The following CTNNA2 variants were observed in gnomAD, a reference collection of about 807,000 sequenced individuals.
CTNNA2 encodes the protein catenin alpha-2.
CTNNA2 carries 42 observed loss-of-function variants against 101.0 expected under a neutral mutation model. The observed-to-expected ratio is 0.42, with a 90% CI of 0.32 to 0.54. CTNNA2 has a LOEUF of 0.54. CTNNA2 is among the 20% of genes least tolerant of loss of function. CTNNA2 has a pLI of 0.14. For synonymous variants in CTNNA2, 450 were observed against 456.4 expected (o/e 0.99, Z 0.18); for missense variants, 871 against 1,223.1 (o/e 0.71, Z 4.29).
intron 9 of CTNNA2, among the ~76,000 whole-genome samples, chr2:80,500,992 C>G (rs1687841129): frequency 6.6e-6 from 1 of 152,170 alleles, no homozygotes; most frequent in Admixed American, 6.5e-5. Flanking sequence ...GTCAGGTTCA[C>G]TTTGATTCCT....
chr2:79,726,590 C>G (rs546504698), intron 2 of CTNNA2, among the ~76,000 whole-genome samples: 2 of 152,126 alleles, frequency 1.3e-5, no homozygotes, highest in African/African-American at 4.8e-5. Context: ...CTCCTCCCTC[C>G]GACACATTCC....
chr2:79,280,656 T>TGTGTGTGTGTGTGAGAGA (rs1337075035), intron 2 of CTNNA2, among the ~76,000 whole-genome samples: 9 of 96,758 alleles, frequency 9.3e-5, no homozygotes, highest in East Asian at 3.8e-4. Context: ...TGTGTGTGTG[T>TGTGTGTGTGTGTGAGAGA]AAGAGAAAGA....
intron 6 of CTNNA2, among the ~76,000 whole-genome samples, chr2:79,904,174 C>G (rs189030793): frequency 8.1e-4 from 123 of 152,276 alleles, no homozygotes; most frequent in African/African-American, 2.8e-3. Context: ...TTCTACCTCT[C>G]AACTGTGCAA....
At chr2:80,529,859 G>A (rs2149592031) in intron 9 of CTNNA2, among the ~76,000 whole-genome samples, 1 of 152,240 alleles carries the variant, frequency 6.6e-6, no homozygotes, top group African/African-American at 2.4e-5. Flanking sequence ...ACCTACTGAG[G>A]ATGAGAGTAA....
intron 2 of CTNNA2, among the ~76,000 whole-genome samples, chr2:79,251,926 G>A (rs190178314): frequency 1.9e-4 from 29 of 152,284 alleles, no homozygotes; most frequent in South Asian, 2.1e-4. Flanking sequence ...TGATTGCGGC[G>A]TACACCAGAA....
At chr2:80,583,369 T>A (rs1695702359) in intron 14 of CTNNA2, among the ~76,000 whole-genome samples, 1 of 152,154 alleles carries the variant, frequency 6.6e-6, no homozygotes, top group Non-Finnish European at 1.5e-5. Context: ...TTGCAGACTC[T>A]ATTTAATCCC....
intron 2 of CTNNA2, among the ~76,000 whole-genome samples, chr2:79,258,011 G>A (rs1285377758): frequency 6.6e-6 from 1 of 152,010 alleles, no homozygotes; most frequent in African/African-American, 2.4e-5. Context: ...GTCTTCACAT[G>A]GCCATCTTCT....
intron 3 of CTNNA2, among the ~76,000 whole-genome samples, chr2:79,809,952 A>G (rs1452678785): frequency 2.0e-5 from 3 of 152,172 alleles, no homozygotes; most frequent in Non-Finnish European, 4.4e-5. Flanking sequence ...AAAAACCAGT[A>G]CCAGCCACTG....
intron 9 of CTNNA2, among the ~76,000 whole-genome samples, chr2:80,481,817 T>C (rs1447354642): frequency 6.6e-6 from 1 of 152,076 alleles, no homozygotes; most frequent in Non-Finnish European, 1.5e-5. Flanking sequence ...CAAACATATA[T>C]GACAGTAAAT....
chr2:80,595,006 G>A (rs920354904), intron 15 of CTNNA2, among the ~76,000 whole-genome samples: 1 of 152,016 alleles, frequency 6.6e-6, no homozygotes, highest in Non-Finnish European at 1.5e-5. Context: ...GAGTCCATGT[G>A]AATTTTAGGA....
rs188625145 is a variant in CTNNA2 at position 79,611,051 on chromosome 2, T to C, written c.-5-40501T>C. On this transcript the variant is annotated intron_variant, in intron 1 of 18. Coordinates refer to ENST00000402739, the MANE Select transcript of CTNNA2 (RefSeq NM_001282597.3). Reference sequence around the variant, plus strand: ...ATCTGTACAAAAGTTTATATGAAAGTTTCAGATAAACAAAACAATAGTATG... The same window carrying C: ...ATCTGTACAAAAGTTTATATGAAAGCTTCAGATAAACAAAACAATAGTATG... Among the ~76,000 whole-genome samples the C allele has an allele frequency of 5.3e-5, 8 of 152,190 alleles. No homozygotes were observed. In the East Asian group the frequency reaches 1.4e-3, roughly 26 times the overall value.
intron 7 of CTNNA2, among the ~76,000 whole-genome samples, chr2:80,101,550 C>T (rs746587892): frequency 5.3e-5 from 8 of 152,152 alleles, no homozygotes; most frequent in Non-Finnish European, 1.0e-4. Context: ...AGCCTAATCC[C>T]AATTCTCCTC....
intron 7 of CTNNA2, among the ~76,000 whole-genome samples, chr2:80,201,038 G>A (rs1022463413): frequency 6.6e-6 from 1 of 152,000 alleles, no homozygotes; most frequent in Non-Finnish European, 1.5e-5. Context: ...ATATAAAATG[G>A]CATAGTATTT....
At chr2:79,406,069 G>A (rs1162453411) in intron 4 of CTNNA2, among the ~76,000 whole-genome samples, 1 of 151,972 alleles carries the variant, frequency 6.6e-6, no homozygotes, top group Non-Finnish European at 1.5e-5. Flanking sequence ...AAAGGAGAAG[G>A]GTGGTTAAGT....
intron 18 of CTNNA2, among the ~76,000 whole-genome samples, chr2:80,639,841 G>A (rs976113165): frequency 6.6e-5 from 10 of 152,092 alleles, no homozygotes; most frequent in East Asian, 1.9e-4. Flanking sequence ...GGTGGCTCAC[G>A]CCTGTAATTC....
At chr2:79,704,329 C>G (rs540053176) in intron 2 of CTNNA2, among the ~76,000 whole-genome samples, 7 of 152,220 alleles carry the variant, frequency 4.6e-5, no homozygotes, top group African/African-American at 1.7e-4. Flanking sequence ...AGAGGATTCC[C>G]TTCTGTGGGT....
At chr2:80,339,213 C>T (rs1255063305) in intron 7 of CTNNA2, among the ~76,000 whole-genome samples, 1 of 151,892 alleles carries the variant, frequency 6.6e-6, no homozygotes, top group Admixed American at 6.6e-5. Flanking sequence ...GTATCACACC[C>T]ATCCATTGAG....
rs78768894 is a variant in CTNNA2, at chr2:79,235,180, G to T, written c.-406+37104G>T. Among the ~76,000 whole-genome samples the T allele has an allele frequency of 3.9e-3, 596 of 152,300 alleles. 5 individuals are homozygous for T. Among genetic ancestry groups the T allele is most frequent in the African/African-American group, 0.013 (553 of 41,578 alleles). The stretch of plus-strand genomic sequence containing the variant: ...CATTCTTCTAACTATGATGTGGATT[G>T]AGTATACTCAGTTGGCTTTATTTCT... On this transcript the variant is annotated intron_variant, in intron 2 of 21. Coordinates refer to the CTNNA2 transcript ENST00000466387.
chr2:79,716,125 T>C (rs1250544744), intron 2 of CTNNA2, among the ~76,000 whole-genome samples: 1 of 151,720 alleles, frequency 6.6e-6, no homozygotes, highest in East Asian at 1.9e-4. Context: ...AAGAACAAAA[T>C]TGGGTGTACA....
Sources: gnomAD v4.1 joint callset for allele counts (sites outside exome capture counted in the v4.1 genomes callset) on GRCh38, gnomAD v4.1.1 for gene constraint, MANE v1.5 for transcripts, NCBI Gene and HGNC (gene_info 2026-07-23, HGNC 2026-07-21) for gene names.